Variants in AMOTL1 observed in about 807,000 individuals in gnomAD.
The protein encoded by AMOTL1 is angiomotin like 1.
In AMOTL1, 45 loss-of-function variants were observed where a neutral mutation model predicts 102.9. That is an observed-to-expected ratio of 0.44 (90% CI 0.34 to 0.56). AMOTL1 has a LOEUF of 0.56. Among genes scored for constraint, AMOTL1 ranks in the 20% least tolerant of loss-of-function variants. The pLI, the probability that AMOTL1 is intolerant of heterozygous loss-of-function variation, is 0.01. For missense variants in AMOTL1, 1,114 were observed against 1,225.6 expected, an observed-to-expected ratio of 0.91 and a Z score of 1.36; for synonymous variants, 481 against 484.7, an observed-to-expected ratio of 0.99 and a Z score of 0.10.
At chr11:94,834,892 A>G (rs1187558062) in intron 6 of AMOTL1, among the ~76,000 whole-genome samples, 5 of 152,190 alleles carry the variant, frequency 3.3e-5, no homozygotes. Flanking sequence ...GTTTTCTTCT[A>G]AAAACTGAAC....
chr11:94,760,284 T>C (rs866033218), intron 3 of AMOTL1, among the ~76,000 whole-genome samples: 1 of 152,220 alleles, frequency 6.6e-6, no homozygotes, highest in African/African-American at 2.4e-5. Flanking sequence ...TGATTTCTCT[T>C]TCTCTCCTCT....
At chr11:94,734,758 T>A (rs968547098) in intron 2 of AMOTL1, among the ~76,000 whole-genome samples, 2 of 152,132 alleles carry the variant, frequency 1.3e-5, no homozygotes, top group African/African-American at 4.8e-5. Flanking sequence ...GCAGAGAAGA[T>A]GATCAAAGGG....
rs79923839 is a variant in AMOTL1, at chr11:94,868,242, G to T, written c.2489-956G>T. On this transcript the variant is annotated intron_variant, in intron 11 of 12. Coordinates refer to ENST00000433060, the MANE Select transcript of AMOTL1 (RefSeq NM_130847.3). ...GGCACCTTAAAACAGCTCTGGCGAG[G>T]ATACTTTATGAATTGCTGGCTATCT... Among the ~76,000 whole-genome samples, 647 of 152,354 alleles carry T rather than the reference G, an allele frequency of 4.2e-3. 5 individuals carry two copies. The highest frequency in any genetic ancestry group is 0.014 in the African/African-American group (598 of 41,568).
chr11:94,740,129 C>G (rs1950496784), intron 2 of AMOTL1: 1 of 152,244 alleles, frequency 6.6e-6, no homozygotes, highest in African/African-American at 2.4e-5. Context: ...GCCAGGTGAT[C>G]TCTTGAAGAG....
chr11:94,821,750 T>C lies in AMOTL1; in HGVS notation c.1342T>C (p.Leu448=). ...GCGAGCCCAGCAAATGGTGGAGATA[T>C]TAACAGAGGAGAACCGGGTGCTTCA... ...VERAQQMVEI[L]TEENRVLHQE... The change falls in exon 4 of 13, where the codon TTA becomes CTA. Residue 448 remains leucine, a synonymous_variant. Coordinates refer to ENST00000433060, the MANE Select transcript of AMOTL1 (RefSeq NM_130847.3). 1 of 1,614,002 alleles carries C rather than the reference T, an allele frequency of 6.2e-7. No individual in the cohort carries two copies. Among genetic ancestry groups the C allele is most frequent in the Non-Finnish European group, 8.5e-7 (1 of 1,179,894 alleles).
Position 94,859,713 on chromosome 11 carries a change from G to C in AMOTL1, c.2133G>C (p.Glu711Asp). 2 of 1,606,176 alleles carry C rather than the reference G, an allele frequency of 1.2e-6. No homozygotes were observed. The highest frequency in any genetic ancestry group is 1.1e-5 in the South Asian group (1 of 89,582). The change falls in exon 9 of 13, where the codon GAG becomes GAC. Residue 711 changes from glutamate to aspartate, a missense_variant and splice_region_variant. Coordinates refer to ENST00000433060, the MANE Select transcript of AMOTL1 (RefSeq NM_130847.3). ...ATGCCGCAGCCACTGCAGCAGCTGAGAGGTGAGACCAGTGGAACTCTGGTG... is the reference window on the plus strand; with the variant it reads ...ATGCCGCAGCCACTGCAGCAGCTGACAGGTGAGACCAGTGGAACTCTGGTG... Reference protein sequence around the residue: ...AMNAAATAAAERDTTIINHSR... With the variant: ...AMNAAATAAADRDTTIINHSR...
At chr11:94,722,699 T>C (rs1035330024) in intron 1 of AMOTL1, among the ~76,000 whole-genome samples, 1 of 152,192 alleles carries the variant, frequency 6.6e-6, no homozygotes, top group African/African-American at 2.4e-5. Context: ...AGCAAGCAAG[T>C]TGGAATTCAG....
At chr11:94,856,418 G>A (rs1335253217) in intron 8 of AMOTL1, among the ~76,000 whole-genome samples, 1 of 152,120 alleles carries the variant, frequency 6.6e-6, no homozygotes, top group Non-Finnish European at 1.5e-5. Flanking sequence ...AAAGGGCAAA[G>A]TGTATCTAAA....
At chr11:94,780,629 T>C (rs796833395) in intron 1 of AMOTL1, among the ~76,000 whole-genome samples, 1 of 152,236 alleles carries the variant, frequency 6.6e-6, no homozygotes, top group Non-Finnish European at 1.5e-5. Flanking sequence ...ATTCCTGTTA[T>C]CTTTTCCTGT....
Position 94,792,770 on chromosome 11 carries a change from G to A in AMOTL1, c.50-2241G>A, listed in dbSNP as rs550823599. ...TGTGAATTCAGGTGTGTGTGGGGGT[G>A]TGTGAAATGCTTTAGTTCTTTCATG... On this transcript the variant is annotated intron_variant, in intron 1 of 12. Transcript: ENST00000433060. Among the ~76,000 whole-genome samples, 8 of 152,316 alleles carry A rather than the reference G, an allele frequency of 5.3e-5. No individual in the cohort carries two copies. The East Asian group carries it at 1.2e-3, about 22-fold the overall frequency.
At chr11:94,794,745 G>A (rs1212853233) in intron 1 of AMOTL1, among the ~76,000 whole-genome samples, 1 of 152,198 alleles carries the variant, frequency 6.6e-6, no homozygotes, top group Non-Finnish European at 1.5e-5. Context: ...CCTTGGAACC[G>A]GGTTGTGTGA....
At chr11:94,826,352 C>A (rs1181480748) in intron 4 of AMOTL1, among the ~76,000 whole-genome samples, 2 of 152,128 alleles carry the variant, frequency 1.3e-5, no homozygotes, top group Non-Finnish European at 2.9e-5. Context: ...TAACTCTGTC[C>A]TCTGTAATCA....
chr11:94,768,411 G>A lies in AMOTL1; in HGVS notation c.-101G>A. 1.3e-6 allele frequency: 2 copies of A among 1,531,304 alleles called. No individual in the cohort carries two copies. Among genetic ancestry groups the A allele is most frequent in the South Asian group, 1.2e-5 (1 of 83,000 alleles). 94.9% of individuals were successfully genotyped at this position (1,531,304 alleles called of 1,614,324 possible). A position where few individuals can be genotyped will look rare whatever the true frequency, so the allele number is the denominator to read the frequency against. On this transcript the variant is annotated 5_prime_UTR_variant, in exon 1 of 13. Coordinates refer to ENST00000433060, the MANE Select transcript of AMOTL1 (RefSeq NM_130847.3). ...GGTTGTCGGGTTTGGGGCTGGAGGTGAAGCCCTGTGTGAATGGGGTTGATT... is the reference window on the plus strand; with the variant it reads ...GGTTGTCGGGTTTGGGGCTGGAGGTAAAGCCCTGTGTGAATGGGGTTGATT...
intron 1 of AMOTL1, among the ~76,000 whole-genome samples, chr11:94,776,908 T>G (rs558853787): frequency 1.1e-4 from 17 of 152,214 alleles, no homozygotes; most frequent in Admixed American, 5.2e-4. Context: ...GGTTGATTAC[T>G]CATCCTGGTG....
intron 6 of AMOTL1, among the ~76,000 whole-genome samples, chr11:94,844,946 C>T (rs935835764): frequency 2.0e-5 from 3 of 152,138 alleles, no homozygotes; most frequent in Admixed American, 6.5e-5. Flanking sequence ...CTCAAAAATC[C>T]GTTATATCAG....
chr11:94,746,805 T>C lies in AMOTL1; in HGVS notation c.136+5817T>C, dbSNP rs556126047. On this transcript the variant is annotated intron_variant, in intron 3 of 4. Coordinates refer to the AMOTL1 transcript ENST00000299004. ...TGGGTTTAATCACATCTCAAGTGAT[T>C]TCAATGTGCAGCTAAGATTGTGAAC... 1.7e-4 allele frequency among the ~76,000 whole-genome samples: 26 copies of C among 152,318 alleles called. 3 individuals are homozygous for C. Among genetic ancestry groups the C allele is most frequent in the Middle Eastern group, 6.8e-3 (2 of 294 alleles).
intron 8 of AMOTL1, among the ~76,000 whole-genome samples, chr11:94,854,409 A>C (rs1317397571): frequency 6.6e-6 from 1 of 152,168 alleles, no homozygotes; most frequent in East Asian, 1.9e-4. Flanking sequence ...CAAGAACATC[A>C]TAGGTAGAGG....
chr11:94,814,802 A>G (rs978313213), intron 3 of AMOTL1, among the ~76,000 whole-genome samples: 1 of 152,180 alleles, frequency 6.6e-6, no homozygotes, highest in African/African-American at 2.4e-5. Flanking sequence ...GACATCCTGT[A>G]TCTCCGTTTC....
chr11:94,750,304 G>A (rs58538760), intron 3 of AMOTL1, among the ~76,000 whole-genome samples: 21,237 of 152,132 alleles, frequency 0.14, 3,260 homozygotes, highest in African/African-American at 0.36. Context: ...CGTGAACACC[G>A]TGATAATTGC....
Sources: gnomAD v4.1 joint callset for allele counts (sites outside exome capture counted in the v4.1 genomes callset) on GRCh38, gnomAD v4.1.1 for gene constraint, MANE v1.5 for transcripts, NCBI Gene and HGNC (gene_info 2026-07-23, HGNC 2026-07-21) for gene names.